Variants in CCDC63 observed in about 807,000 individuals in gnomAD.
CCDC63 encodes the protein coiled-coil domain containing 63.
CCDC63 carries 54 observed loss-of-function variants against 63.6 expected under a neutral mutation model. The ratio of observed to expected loss-of-function variants is 0.85; its 90% CI spans 0.68 to 1.07. The LOEUF (loss-of-function observed/expected upper bound fraction) is 1.07. Ranked by LOEUF, CCDC63 falls within the 50% of genes least tolerant of loss-of-function variation. The pLI is 0.00. For synonymous variants in CCDC63, 253 were observed against 266.1 expected (o/e 0.95, Z 0.48); for missense variants, 637 against 689.6 (o/e 0.92, Z 0.86).
intron 4 of CCDC63, among the ~76,000 whole-genome samples, chr12:110,867,570 G>A (rs2070983473): frequency 7.5e-6 from 1 of 132,872 alleles, no homozygotes; most frequent in Non-Finnish European, 1.6e-5. Flanking sequence ...CTGGCCGGGC[G>A]GGGGGCTGAC....
chr12:110,883,271 C>T (rs1259936764), intron 7 of CCDC63, among the ~76,000 whole-genome samples: 5 of 152,092 alleles, frequency 3.3e-5, no homozygotes, highest in East Asian at 1.9e-4. Context: ...CTCTTGACCT[C>T]GTGATCCACC....
chr12:110,891,634 CAAAAAA>C (rs1167265918), intron 8 of CCDC63, among the ~76,000 whole-genome samples: 1 of 65,512 alleles, frequency 1.5e-5, no homozygotes, highest in African/African-American at 6.3e-5. Flanking sequence ...GACCCTTTCT[CAAAAAA>C]AAAAAAAAAA....
At chr12:110,893,007 A>G in intron 8 of CCDC63, 69 bp from the exon 9 acceptor site, 3 of 1,240,750 alleles carry the variant, frequency 2.4e-6, no homozygotes, top group Non-Finnish European at 3.5e-6. Context: ...TGAGGCGCAC[A>G]CTTATTTTTG....
At chr12:110,867,230 C>T (rs2070972110) in intron 4 of CCDC63, among the ~76,000 whole-genome samples, 3 of 131,536 alleles carry the variant, frequency 2.3e-5, no homozygotes, top group South Asian at 2.5e-4. Context: ...GGGGCCGACC[C>T]CCCCACCTCC....
At chr12:110,894,956 C>T (rs2071399733) in intron 9 of CCDC63, among the ~76,000 whole-genome samples, 1 of 152,184 alleles carries the variant, frequency 6.6e-6, no homozygotes, top group Non-Finnish European at 1.5e-5. Context: ...ACTCTGTTGC[C>T]CAGGCTGGAG....
In CCDC63 at chr12:110,853,455, G is replaced by A. The variant is rs1329386045; in HGVS notation, c.60G>A (p.Glu20=). The part of the protein sequence containing the change: ...KDSDTPQEPS[E]KAKEQQAEAE... ...CCGACACTCCCCAGGAACCTTCGGA[G>A]AAGGCCAAAGAGCAGCAGGCGGAGG... The change falls in exon 3 of 12, where the codon GAG becomes GAA. Residue 20 remains glutamate (E), a synonymous_variant. Coordinates refer to ENST00000308208, the MANE Select transcript of CCDC63 (RefSeq NM_152591.3). 6.2e-7 allele frequency: 1 copy of A among 1,614,120 alleles called. No individual in the cohort carries two copies. Among genetic ancestry groups the A allele is most frequent in the Non-Finnish European group, 8.5e-7 (1 of 1,180,010 alleles).
chr12:110,874,792 C>T (rs949165723), intron 5 of CCDC63, among the ~76,000 whole-genome samples: 2 of 152,126 alleles, frequency 1.3e-5, no homozygotes, highest in African/African-American at 2.4e-5. Flanking sequence ...CACATGGCTA[C>T]CCTGGGGCCC....
At chr12:110,905,846 A>G (rs1433714376) in intron 11 of CCDC63, among the ~76,000 whole-genome samples, 4 of 112,622 alleles carry the variant, frequency 3.6e-5, no homozygotes, top group African/African-American at 1.4e-4. Context: ...GTATGTATAT[A>G]TATGTGTGTG....
intron 3 of CCDC63, among the ~76,000 whole-genome samples, chr12:110,856,818 T>C (rs2070777453): frequency 6.6e-6 from 1 of 151,428 alleles, no homozygotes; most frequent in African/African-American, 2.4e-5. Flanking sequence ...TGCCAACTCC[T>C]GTCCTAGGAC....
chr12:110,885,669 G>A (rs975449653), intron 8 of CCDC63, among the ~76,000 whole-genome samples: 1 of 152,006 alleles, frequency 6.6e-6, no homozygotes, highest in African/African-American at 2.4e-5. Context: ...CTGCTCATTA[G>A]TCCTGACCCT....
intron 1 of CCDC63, among the ~76,000 whole-genome samples, chr12:110,847,494 G>A (rs2238148): frequency 0.53 from 80,899 of 151,304 alleles, 23,055 homozygotes; most frequent in East Asian, 0.64. Flanking sequence ...GGTTGAGGCT[G>A]CAGTGAGCCG....
In CCDC63 at chr12:110,880,046, G is replaced by A. The variant is rs759948775; in HGVS notation, c.630G>A (p.Met210Ile). The A allele has an allele frequency of 6.2e-7, 1 of 1,614,116 alleles. No individual in the cohort carries two copies. The highest frequency in any genetic ancestry group is 1.1e-5 in the South Asian group (1 of 91,078). Residue 210 changes from methionine to isoleucine, a missense_variant, in exon 6 of 12, where the codon ATG becomes ATA. Physicochemically the swap from Met to Ile is conservative, Grantham distance 10. Transcript: ENST00000308208. Reference sequence around the variant, plus strand: ...GCCTGTTGATGGAGAAGAAAACCATGAACTTGGCCATTGAGCAATCTTCTC... The same window carrying A: ...GCCTGTTGATGGAGAAGAAAACCATAAACTTGGCCATTGAGCAATCTTCTC... ...QHCLLMEKKT[M>I]NLAIEQSSQA...
intron 5 of CCDC63, among the ~76,000 whole-genome samples, chr12:110,875,705 C>CA (rs2071121115): frequency 6.6e-6 from 1 of 152,174 alleles, no homozygotes; most frequent in African/African-American, 2.4e-5. Flanking sequence ...TAGTAATGCT[C>CA]CTTTTTATAT....
intron 6 of CCDC63, 28 bp from the exon 7 acceptor site, chr12:110,881,087 G>T: frequency 6.4e-7 from 1 of 1,566,986 alleles, no homozygotes; most frequent in Non-Finnish European, 8.6e-7. Context: ...AGCCTCAGAT[G>T]CTCAGGCTCT....
intron 8 of CCDC63, among the ~76,000 whole-genome samples, chr12:110,890,779 T>TC (rs1379457921): frequency 5.5e-5 from 8 of 145,004 alleles, no homozygotes; most frequent in African/African-American, 1.0e-4. Context: ...TTTTCTTTTT[T>TC]TTTTTTTTTT....
At chr12:110,868,997 A>G (rs905174534) in intron 4 of CCDC63, among the ~76,000 whole-genome samples, 1 of 152,150 alleles carries the variant, frequency 6.6e-6, no homozygotes, top group Non-Finnish European at 1.5e-5. Context: ...CCACTAGTGT[A>G]GATTTTTCTC....
At chr12:110,877,709 T>C (rs1382248593) in intron 5 of CCDC63, among the ~76,000 whole-genome samples, 1 of 89,692 alleles carries the variant, frequency 1.1e-5, no homozygotes, top group African/African-American at 4.5e-5. Flanking sequence ...TCTTTCTTTC[T>C]TTTTTTTTTT....
chr12:110,873,460 C>T (rs1309576597), intron 4 of CCDC63, among the ~76,000 whole-genome samples: 2 of 152,144 alleles, frequency 1.3e-5, no homozygotes, highest in Non-Finnish European at 2.9e-5. Context: ...TCCAAGTTTA[C>T]AGAAGTCCCC....
At chr12:110,904,105 C>T (rs1257477641) in intron 10 of CCDC63, among the ~76,000 whole-genome samples, 1 of 152,130 alleles carries the variant, frequency 6.6e-6, no homozygotes, top group Non-Finnish European at 1.5e-5. Flanking sequence ...CCTGTAATTC[C>T]AGCACTTTAG....
Sources: allele counts gnomAD v4.1 joint callset (sites outside exome capture counted in the v4.1 genomes callset), GRCh38; gene constraint gnomAD v4.1.1; transcripts MANE v1.5; gene names NCBI Gene and HGNC (gene_info 2026-07-23, HGNC 2026-07-21).